Variants in PDILT observed in about 807,000 individuals in gnomAD.
PDILT encodes protein disulfide-isomerase-like protein of the testis.
PDILT carries 43 observed loss-of-function variants against 53.7 expected under a neutral mutation model. The ratio of observed to expected loss-of-function variants is 0.80; its 90% CI spans 0.63 to 1.03. The LOEUF (loss-of-function observed/expected upper bound fraction) is 1.03, where lower values mean the gene tolerates loss of function less well. PDILT is among the 50% of genes least tolerant of loss of function. The pLI is 0.00. For synonymous variants in PDILT, 282 were observed against 274.2 expected (o/e 1.03, Z -0.28); for missense variants, 727 against 712.3 (o/e 1.02, Z -0.24).
In PDILT at chr16:20,359,386, A is replaced by G. The variant is rs748374018; in HGVS notation, c.1688T>C (p.Val563Ala). ...GKKKTSEEVV[V>A]VVAKPKGPPV... is the part of the protein sequence containing the mutation. The stretch of plus-strand genomic sequence containing the variant: ...AGGTCCCTTTGGCTTAGCCACCACC[A>G]CCACCACCTCCTCAGATGTTTTCTT... The change falls in exon 12 of 12, where the codon GTG becomes GCG. Residue 563 changes from valine (V) to alanine (A), a missense_variant. By Grantham distance (64) the Val-to-Ala change is moderately conservative (BLOSUM62 0). Coordinates refer to ENST00000302451, the MANE Select transcript of PDILT (RefSeq NM_174924.2). 8.1e-6 allele frequency: 13 copies of G among 1,614,070 alleles called. No individual in the cohort carries two copies. The highest frequency in any genetic ancestry group is 3.3e-5 in the Admixed American group (2 of 60,012).
chr16:20,379,018 C>CG lies in PDILT; in HGVS notation c.410-2818_410-2817insC, dbSNP rs1199574649. On this transcript the variant is annotated intron_variant, in intron 3 of 11. Coordinates refer to ENST00000302451, the MANE Select transcript of PDILT (RefSeq NM_174924.2). Reference sequence around the variant, plus strand: ...GCATTTAGTTGCTCTCATTTTAGGGCATTTTTTTTTTTTGAGACAGTTTAT... The same window carrying CG: ...GCATTTAGTTGCTCTCATTTTAGGGCGATTTTTTTTTTTTGAGACAGTTTAT... Among the ~76,000 whole-genome samples the CG allele has an allele frequency of 7.2e-5, 9 of 124,864 alleles. No homozygotes were observed. The South Asian group carries it at 8.4e-4, about 12-fold the overall frequency. 81.9% of individuals were successfully genotyped at this position (124,864 alleles called of 152,430 possible).
intron 8 of PDILT, among the ~76,000 whole-genome samples, chr16:20,366,300 C>G (rs898465410): frequency 9.9e-5 from 15 of 152,060 alleles, no homozygotes; most frequent in African/African-American, 3.6e-4. Context: ...TAATGCTGTT[C>G]CCTCTGGCTG....
intron 8 of PDILT, 116 bp downstream of exon 8, chr16:20,369,376 A>T: frequency 2.5e-6 from 3 of 1,200,298 alleles, no homozygotes; most frequent in South Asian, 2.8e-5. Context: ...TGAGCCACAA[A>T]GTTGATCTTT....
chr16:20,394,307 C>T (rs1219637597), intron 2 of PDILT, among the ~76,000 whole-genome samples: 2 of 152,182 alleles, frequency 1.3e-5, no homozygotes, highest in Non-Finnish European at 2.9e-5. Flanking sequence ...GAGCTTATTC[C>T]ACCAGGCTGC....
In PDILT at chr16:20,399,298, CATGG is replaced by C. The variant is rs761143489; in HGVS notation, c.-2_2del. The C allele has an allele frequency of 6.2e-7, 1 of 1,613,864 alleles. No homozygotes were observed. The highest frequency in any genetic ancestry group is 1.1e-5 in the South Asian group (1 of 91,078). Reference sequence around the variant, plus strand: ...GCAGCAGGGGCATCCAGAGTAGGTCCATGGCTGTCCTGCAGGGGCCGGAGAAGGA... The same window carrying C: ...GCAGCAGGGGCATCCAGAGTAGGTCCCTGTCCTGCAGGGGCCGGAGAAGGA... On this transcript the variant is annotated start_lost and 5_prime_UTR_variant, in exon 2 of 12. Transcript: ENST00000302451.
intron 7 of PDILT, among the ~76,000 whole-genome samples, chr16:20,372,299 T>C (rs898959493): frequency 2.0e-5 from 3 of 152,238 alleles, no homozygotes; most frequent in African/African-American, 7.2e-5. Context: ...TAAGACAGTG[T>C]AGTTTGCCAG....
chr16:20,361,462 C>T (rs902799398), intron 10 of PDILT, among the ~76,000 whole-genome samples: 6 of 152,120 alleles, frequency 3.9e-5, no homozygotes, highest in Non-Finnish European at 5.9e-5. Context: ...AGATTACACG[C>T]GTTGAGACAC....
At position 20,359,459 on chromosome 16, in the gene PDILT, C is replaced by G. The variant is rs756352839; in HGVS notation, c.1615G>C (p.Glu539Gln). Residue 539 changes from glutamate (E) to glutamine (Q), a missense_variant, in exon 12 of 12, where the codon GAG (glutamate) becomes CAG (glutamine). By Grantham distance (29) the Glu-to-Gln change is conservative (BLOSUM62 2). Transcript: ENST00000302451. ...TTGGATACGTACTTGGTCATGTTCT[C>G]CAGCTCAGGCGACTGCTGTTCAGGT... The part of the protein sequence containing the change: ...GLPEQQSPEL[E>Q]NMTKYVSKLE... 5.6e-6 allele frequency: 9 copies of G among 1,614,170 alleles called. No homozygotes were observed. Among genetic ancestry groups the G allele is most frequent in the South Asian group, 2.2e-5 (2 of 91,082 alleles).
rs148151816 is a variant in PDILT at position 20,385,061 on chromosome 16, G to T, written c.203-210C>A. Among the ~76,000 whole-genome samples the T allele has an allele frequency of 5.3e-5, 8 of 152,318 alleles. No homozygotes were observed. In the East Asian group the frequency reaches 1.5e-3, roughly 29 times the overall value. ...TGTCTATCAAGGTTCTTTGGATTCA[G>T]TAGCATTGGAAACAACACAACCATG... On this transcript the variant is annotated intron_variant, in intron 2 of 11. Transcript: ENST00000302451.
chr16:20,377,525 C>T (rs973272380), intron 3 of PDILT, among the ~76,000 whole-genome samples: 2 of 152,168 alleles, frequency 1.3e-5, no homozygotes, highest in African/African-American at 4.8e-5. Flanking sequence ...CAAATAAATG[C>T]ATGAACAAGG....
intron 2 of PDILT, among the ~76,000 whole-genome samples, chr16:20,397,584 C>T (rs1048483060): frequency 6.6e-6 from 1 of 152,186 alleles, no homozygotes; most frequent in African/African-American, 2.4e-5. Flanking sequence ...TGAAGCTGAC[C>T]TCATCACACT....
rs752535274 is a variant in PDILT at position 20,365,443 on chromosome 16, T to G, written c.1214A>C (p.Glu405Ala). 6.2e-7 allele frequency: 1 copy of G among 1,614,080 alleles called. No homozygotes were observed. Among genetic ancestry groups the G allele is most frequent in the Non-Finnish European group, 8.5e-7 (1 of 1,179,908 alleles). ...KNFNVVVFDK[E>A]KDVFVMFYAP... ...ACAGAACATCACAAATACGTCCTTT[T>G]CTTTGTCAAAGACGACTACGTTGAA... is the stretch of plus-strand genomic sequence containing the variant. Residue 405 changes from glutamate (E) to alanine (A), a missense_variant, in exon 9 of 12, where the codon GAA (glutamate) becomes GCA (alanine). Transcript: ENST00000302451.
intron 1 of PDILT, among the ~76,000 whole-genome samples, chr16:20,402,036 C>T (rs1420797597): frequency 6.6e-6 from 1 of 152,292 alleles, no homozygotes; most frequent in Non-Finnish European, 1.5e-5. Flanking sequence ...TTCCCTTTGG[C>T]TCCACGGAGC....
intron 3 of PDILT, among the ~76,000 whole-genome samples, chr16:20,382,169 G>T (rs1261227589): frequency 2.0e-5 from 3 of 152,174 alleles, no homozygotes; most frequent in Non-Finnish European, 4.4e-5. Context: ...AGAGTGTTGG[G>T]ATTACAGGTT....
intron 2 of PDILT, among the ~76,000 whole-genome samples, chr16:20,386,525 G>A (rs1006797532): frequency 1.3e-5 from 2 of 152,176 alleles, no homozygotes; most frequent in Non-Finnish European, 2.9e-5. Flanking sequence ...AGAAAGCAGG[G>A]CCCCGGGACA....
intron 8 of PDILT, 150 bp downstream of exon 8, chr16:20,369,342 G>A: frequency 1.2e-6 from 1 of 844,700 alleles, no homozygotes; most frequent in South Asian, 1.6e-5. Context: ...ATTTGAGGTG[G>A]GGAGATGGGG....
At chr16:20,393,011 G>A (rs1374986969) in intron 2 of PDILT, among the ~76,000 whole-genome samples, 4 of 152,162 alleles carry the variant, frequency 2.6e-5, no homozygotes, top group Admixed American at 2.0e-4. Context: ...TAAATGTATG[G>A]CTCTAAGCCT....
chr16:20,379,479 T>C (rs1966431109), intron 3 of PDILT, among the ~76,000 whole-genome samples: 1 of 152,046 alleles, frequency 6.6e-6, no homozygotes, highest in Admixed American at 6.6e-5. Flanking sequence ...ACCTGGCTAA[T>C]TTTTAAGCAA....
At chr16:20,378,934 A>T (rs1341385515) in intron 3 of PDILT, among the ~76,000 whole-genome samples, 2 of 152,080 alleles carry the variant, frequency 1.3e-5, no homozygotes, top group Non-Finnish European at 2.9e-5. Flanking sequence ...ATGTACTTGA[A>T]GATTCATTTC....
Sources: gnomAD v4.1 joint callset for allele counts (sites outside exome capture counted in the v4.1 genomes callset) on GRCh38, gnomAD v4.1.1 for gene constraint, MANE v1.5 for transcripts, NCBI Gene and HGNC (gene_info 2026-07-23, HGNC 2026-07-21) for gene names.